The following DSE variants were observed in gnomAD, a reference collection of about 807,000 sequenced individuals.
DSE encodes the protein dermatan-sulfate epimerase.
DSE carries 36 observed loss-of-function variants against 84.4 expected under a neutral mutation model. The ratio of observed to expected loss-of-function variants is 0.43; its 90% CI spans 0.33 to 0.56. The LOEUF (loss-of-function observed/expected upper bound fraction) is 0.56. Among genes scored for constraint, DSE ranks in the 20% least tolerant of loss-of-function variants. DSE has a pLI of 0.06. For missense variants in DSE, 862 were observed against 1,169.6 expected (o/e 0.74, Z 3.84); for synonymous variants, 410 against 430.1 (o/e 0.95, Z 0.58).
Position 116,440,556 on chromosome 6 carries a change from A to G in DSE, c.*3211A>G, listed in dbSNP as rs1784394063. 6.6e-6 allele frequency: 1 copy of G among 152,242 alleles called. No individual in the cohort carries two copies. The highest frequency in any genetic ancestry group is 2.1e-4 in the South Asian group (1 of 4,836). 9.4% of individuals were successfully genotyped at this position (152,242 alleles called of 1,614,324 possible). On this transcript the variant is annotated 3_prime_UTR_variant, in exon 6 of 6. Transcript: ENST00000644252. ...GAGAAAGCAAGCTATGAAATGCTAT[A>G]TTTGTAGGCTTAAAAGTAAATTAGT...
intron 2 of DSE, among the ~76,000 whole-genome samples, chr6:116,361,796 T>G (rs536854223): frequency 3.3e-4 from 50 of 152,204 alleles, no homozygotes; most frequent in Non-Finnish European, 6.5e-4. Flanking sequence ...AGCTTATATT[T>G]AGCAAATGTA....
At chr6:116,316,514 T>C (rs1775984850) in intron 2 of DSE, among the ~76,000 whole-genome samples, 1 of 152,084 alleles carries the variant, frequency 6.6e-6, no homozygotes, top group African/African-American at 2.4e-5. Context: ...ACCCTGGGAC[T>C]GGACCTTGGG....
intron 2 of DSE, among the ~76,000 whole-genome samples, chr6:116,358,171 G>A (rs947488775): frequency 1.3e-5 from 2 of 152,156 alleles, no homozygotes; most frequent in African/African-American, 2.4e-5. Flanking sequence ...TCCTGATCAT[G>A]AGTCTCTTTC....
At chr6:116,314,047 G>T (rs763101881) in intron 2 of DSE, among the ~76,000 whole-genome samples, 3 of 152,116 alleles carry the variant, frequency 2.0e-5, no homozygotes, top group Non-Finnish European at 4.4e-5. Context: ...TTGTTTTCAA[G>T]CCTCTCAGCC....
intron 2 of DSE, among the ~76,000 whole-genome samples, chr6:116,343,936 C>T (rs990078471): frequency 6.6e-6 from 1 of 152,078 alleles, no homozygotes; most frequent in African/African-American, 2.4e-5. Flanking sequence ...GTAGAGAAGA[C>T]CTTAAATGAC....
exon 2 of DSE, chr6:116,258,879 G>T: frequency 7.5e-6 from 12 of 1,605,792 alleles, no homozygotes; most frequent in Non-Finnish European, 1.0e-5. Flanking sequence ...TGTTGCAGCC[G>T]TGCATCATCA....
rs1583231397 is a variant in DSE at position 116,432,955 on chromosome 6, G to A, written c.911-388G>A. ...TTTATTATCTTGGCCTAGAATGCAT[G>A]TTGAGTTGTGGGAGAGCTAGTGTTC... On this transcript the variant is annotated intron_variant, in intron 4 of 5. Coordinates refer to ENST00000644252, the MANE Select transcript of DSE (RefSeq NM_013352.4). 4 of 197,892 alleles carry A rather than the reference G, an allele frequency of 2.0e-5. No individual in the cohort carries two copies. In the Admixed American group the frequency reaches 2.2e-4, roughly 11 times the overall value. The allele number at this position is 197,892 out of a possible 1,614,324, so 12.3% of individuals were successfully genotyped here.
chr6:116,341,093 A>G lies in DSE; in HGVS notation c.-53-58105A>G, dbSNP rs550173486. 1.4e-4 allele frequency among the ~76,000 whole-genome samples: 21 copies of G among 152,282 alleles called. No individual in the cohort carries two copies. In the South Asian group the frequency reaches 3.9e-3, roughly 29 times the overall value. ...TCTTCCACAATGGTTGAACTAATTT[A>G]CACTCCCAACAGTGTAAAAGTGTTC... On this transcript the variant is annotated intron_variant, in intron 2 of 3. Transcript: ENST00000430252.
At chr6:116,306,406 C>T (rs1431247055) in intron 2 of DSE, among the ~76,000 whole-genome samples, 2 of 152,182 alleles carry the variant, frequency 1.3e-5, no homozygotes, top group African/African-American at 2.4e-5. Context: ...AAACATTATG[C>T]TCAGGGAGTT....
chr6:116,260,464 T>C (rs1772363685), intron 2 of DSE, among the ~76,000 whole-genome samples: 2 of 152,262 alleles, frequency 1.3e-5, no homozygotes, highest in African/African-American at 4.8e-5. Flanking sequence ...TTTTCTTTGC[T>C]GTGCAGAAGC....
At position 116,441,242 on chromosome 6, in the gene DSE, T is replaced by C. The variant is rs945773447; in HGVS notation, c.*3897T>C. On this transcript the variant is annotated 3_prime_UTR_variant, in exon 6 of 6. Coordinates refer to ENST00000644252, the MANE Select transcript of DSE (RefSeq NM_013352.4). ...CAAGACATAGTCACTATGTGAAGAA[T>C]AAAAATAGACAAAGTTGCATTATGA... 6.6e-6 allele frequency: 1 copy of C among 152,212 alleles called. No individual in the cohort carries two copies. Among genetic ancestry groups the C allele is most frequent in the African/African-American group, 2.4e-5 (1 of 41,466 alleles). The allele number at this position is 152,212 out of a possible 1,614,324, so 9.4% of individuals were successfully genotyped here.
intron 2 of DSE, among the ~76,000 whole-genome samples, chr6:116,306,331 A>G (rs1366357385): frequency 6.6e-6 from 1 of 152,184 alleles, no homozygotes; most frequent in Non-Finnish European, 1.5e-5. Context: ...ACATACACAC[A>G]CAGGTACATA....
At chr6:116,368,988 G>A (rs1055896621), upstream of DSE, among the ~76,000 whole-genome samples, 1 of 151,892 alleles carries the variant, frequency 6.6e-6, no homozygotes, top group Non-Finnish European at 1.5e-5. Flanking sequence ...AGGCCAATTC[G>A]CAGGTCACTC....
intron 2 of DSE, among the ~76,000 whole-genome samples, chr6:116,270,227 C>T (rs2114613065): frequency 6.6e-6 from 1 of 152,240 alleles, no homozygotes; most frequent in African/African-American, 2.4e-5. Flanking sequence ...ATTACATTTC[C>T]CTCATTGTTG....
intron 2 of DSE, chr6:116,400,792 C>T (rs1343130893): frequency 6.6e-6 from 1 of 152,068 alleles, no homozygotes; most frequent in Non-Finnish European, 1.5e-5. Context: ...CTGACATTAA[C>T]TGATCTTATT....
chr6:116,435,882 C>T lies in DSE; in HGVS notation c.1414C>T (p.Leu472=). The change falls in exon 6 of 6, where the codon CTG becomes TTG. Residue 472 remains leucine (L), a synonymous_variant. Transcript: ENST00000644252. ...TGGTGTGCCTTTCATTACTGAGGCT[C>T]TGTACGGGCCAAAGTACACCTTCTT... ...PNGVPFITEA[L]YGPKYTFFNN... is the part of the protein sequence containing the mutation. The T allele has an allele frequency of 6.2e-7, 1 of 1,614,160 alleles. No individual in the cohort carries two copies. Among genetic ancestry groups the T allele is most frequent in the Non-Finnish European group, 8.5e-7 (1 of 1,180,012 alleles).
intron 1 of DSE, among the ~76,000 whole-genome samples, chr6:116,373,405 C>T (rs1350904051): frequency 6.6e-6 from 1 of 152,100 alleles, no homozygotes; most frequent in Non-Finnish European, 1.5e-5. Context: ...ACAGTACAGG[C>T]AGTTGCCATG....
chr6:116,424,709 A>G (rs1783317785), intron 2 of DSE, among the ~76,000 whole-genome samples: 2 of 152,240 alleles, frequency 1.3e-5, no homozygotes, highest in Admixed American at 6.5e-5. Flanking sequence ...AGACATATTC[A>G]TACATATATT....
At chr6:116,259,216 TAAAAG>T (rs1772296992) in intron 2 of DSE, 5 of 626,464 alleles carry the variant, frequency 8.0e-6, no homozygotes, top group African/African-American at 3.7e-5. Context: ...AAAGGAAAAA[TAAAAG>T]GAAAGTAATT....
Sources: allele counts gnomAD v4.1 joint callset (sites outside exome capture counted in the v4.1 genomes callset), GRCh38; gene constraint gnomAD v4.1.1; transcripts MANE v1.5; gene names NCBI Gene and HGNC (gene_info 2026-07-23, HGNC 2026-07-21).